Variants in ROBO4 observed in about 807,000 individuals in gnomAD.
ROBO4 encodes roundabout guidance receptor 4.
Under a neutral mutation model 103.3 loss-of-function variants are expected in ROBO4, and 80 were observed. The ratio of observed to expected loss-of-function variants is 0.77; its 90% CI spans 0.65 to 0.93. ROBO4 has a LOEUF of 0.93. Among genes scored for constraint, ROBO4 ranks in the 40% least tolerant of loss-of-function variants. The probability of loss-of-function intolerance (pLI) is 0.00; values close to 1 mark genes in which losing one functional copy is unlikely to be tolerated. For synonymous variants in ROBO4, 504 were observed against 529.7 expected (o/e 0.95, Z 0.67); for missense variants, 1,333 against 1,305.3 (o/e 1.02, Z -0.33).
chr11:124,886,394 A>G (rs1237272624), intron 16 of ROBO4, 70 bp downstream of exon 16: 12 of 1,194,150 alleles, frequency 1.0e-5, no homozygotes, highest in Non-Finnish European at 1.2e-5. Flanking sequence ...TTTAACAATG[A>G]TGACATGATA....
intron 12 of ROBO4, among the ~76,000 whole-genome samples, chr11:124,890,926 C>T (rs1946787360): frequency 6.6e-6 from 1 of 152,220 alleles, no homozygotes; most frequent in African/African-American, 2.4e-5. Context: ...TGCTAGTCAA[C>T]ACTTTCGTTA....
chr11:124,893,777 G>C (rs749152190), intron 9 of ROBO4, 47 bp from the exon 10 acceptor site: 46 of 1,609,704 alleles, frequency 2.9e-5, no homozygotes, highest in Non-Finnish European at 3.6e-5. Flanking sequence ...TGGATCACCT[G>C]GTCAGAGATC....
chr11:124,886,772 C>T lies in ROBO4; in HGVS notation c.2486G>A (p.Gly829Glu), dbSNP rs1249715325. ...PRAPSPPTTYGYISVPTASEF... is the reference protein window; with the variant it reads ...PRAPSPPTTYEYISVPTASEF... ...TGAGGCTGTTGGGACGCTGATGTAC[C>T]CATAGGTGGTGGGGGGTGAAGGAGC... Residue 829 changes from glycine (G) to glutamate (E), a missense_variant, in exon 16 of 18, where the codon GGG (glycine) becomes GAG (glutamate). Coordinates refer to ENST00000306534, the MANE Select transcript of ROBO4 (RefSeq NM_019055.6). 6.4e-7 allele frequency: 1 copy of T among 1,554,260 alleles called. No individual in the cohort carries two copies. The highest frequency in any genetic ancestry group is 1.9e-5 in the Admixed American group (1 of 54,006).
chr11:124,886,438 G>A (rs1430268788), intron 16 of ROBO4, 26 bp downstream of exon 16: 1 of 1,553,772 alleles, frequency 6.4e-7, no homozygotes, highest in Non-Finnish European at 8.9e-7. Flanking sequence ...CATGAGTGAG[G>A]AGTAAGATGG....
intron 16 of ROBO4, 44 bp downstream of exon 16, chr11:124,886,420 G>T: frequency 6.9e-7 from 1 of 1,447,472 alleles, no homozygotes; most frequent in Non-Finnish European, 9.6e-7. Flanking sequence ...TGTTAGAAAG[G>T]CAAGGGGCAT....
At position 124,887,242 on chromosome 11, in the gene ROBO4, G is replaced by A. The variant is rs760340932; in HGVS notation, c.2199-29C>T. The A allele has an allele frequency of 2.8e-5, 44 of 1,586,278 alleles. 2 individuals carry two copies. The highest frequency in any genetic ancestry group is 1.7e-4 in the Middle Eastern group (1 of 5,948). On this transcript the variant is annotated intron_variant, in intron 14 of 17. Coordinates refer to ENST00000306534, the MANE Select transcript of ROBO4 (RefSeq NM_019055.6). ...ATTTGCGGGAGAGAGTGATGGCACCGTAGTTACTACAGCTCTTCAAGTCCT... is the reference window on the plus strand; with the variant it reads ...ATTTGCGGGAGAGAGTGATGGCACCATAGTTACTACAGCTCTTCAAGTCCT...
chr11:124,896,496 G>GAGGGGGCCACACTT lies in ROBO4; in HGVS notation c.558+3_558+16dup, dbSNP rs1946893067. ...GCCCAGGCCAGGATGAAGTGTGGGG[G>GAGGGGGCCACACTT]AGGGGGCCACACTTACTGTGTGCCT... On this transcript the variant is annotated intron_variant, in intron 3 of 17. Transcript: ENST00000306534. 1.2e-6 allele frequency: 2 copies of GAGGGGGCCACACTT among 1,611,780 alleles called. No homozygotes were observed. Among genetic ancestry groups the GAGGGGGCCACACTT allele is most frequent in the Non-Finnish European group, 1.7e-6 (2 of 1,178,698 alleles).
intron 1 of ROBO4, 43 bp from the exon 2 acceptor site, chr11:124,897,304 C>T (rs1326353194): frequency 2.2e-6 from 3 of 1,351,428 alleles, no homozygotes; most frequent in African/African-American, 2.9e-5. Flanking sequence ...TCACCAGCAA[C>T]ACCCCAAATT....
chr11:124,888,244 C>T (rs1450815973), intron 12 of ROBO4, among the ~76,000 whole-genome samples: 1 of 152,260 alleles, frequency 6.6e-6, no homozygotes, highest in African/African-American at 2.4e-5. Flanking sequence ...TTCCTGATCT[C>T]TATACCCTCA....
chr11:124,889,959 G>C (rs147396238), intron 12 of ROBO4, among the ~76,000 whole-genome samples: 33 of 152,292 alleles, frequency 2.2e-4, no homozygotes, highest in African/African-American at 7.0e-4. Context: ...GAGAAACAGG[G>C]AGTGAAGTAA....
At chr11:124,891,916 T>C (rs1169856594) in intron 10 of ROBO4, 114 bp from the exon 11 acceptor site, 1 of 1,197,744 alleles carries the variant, frequency 8.3e-7, no homozygotes, top group South Asian at 1.3e-5. Flanking sequence ...ATGGTGGCTT[T>C]ATCCTTACTA....
Position 124,886,450 on chromosome 11 carries a change from G to A in ROBO4, c.2794+14C>T. On this transcript the variant is annotated intron_variant, in intron 16 of 17. Transcript: ENST00000306534. ...GGGCATGAGTGAGGAGTAAGATGGG[G>A]AGACCTCACATACCTATGAAGACGC... 1 of 1,590,748 alleles carries A rather than the reference G, an allele frequency of 6.3e-7. No individual in the cohort carries two copies. Among genetic ancestry groups the A allele is most frequent in the Non-Finnish European group, 8.6e-7 (1 of 1,160,794 alleles).
Position 124,895,837 on chromosome 11 carries a change from G to T in ROBO4, c.755C>A (p.Pro252Gln), listed in dbSNP as rs141984492. Residue 252 changes from proline (P) to glutamine (Q), a missense_variant, in exon 5 of 18, where the codon CCG (proline) becomes CAG (glutamine). Physicochemically the swap from Pro to Gln is moderately conservative, Grantham distance 76. Coordinates refer to ENST00000306534, the MANE Select transcript of ROBO4 (RefSeq NM_019055.6). The part of the protein sequence containing the change: ...IQLENVTLLN[P>Q]DPAEGPKPRP... The stretch of plus-strand genomic sequence containing the variant: ...AGGCTTGGGGCCCTCTGCAGGATCC[G>T]GGTTCAGCAGTGTCACATTTTCCAG... 6.2e-7 allele frequency: 1 copy of T among 1,614,116 alleles called. No homozygotes were observed. The highest frequency in any genetic ancestry group is 1.1e-5 in the South Asian group (1 of 91,074).
rs774087454 is a variant in ROBO4, at chr11:124,884,107, A to G, written c.*784T>C. The G allele has an allele frequency of 6.6e-6, 1 of 152,126 alleles. No individual in the cohort carries two copies. Among genetic ancestry groups the G allele is most frequent in the Non-Finnish European group, 1.5e-5 (1 of 68,030 alleles). 9.4% of individuals were successfully genotyped at this position (152,126 alleles called of 1,614,324 possible). A position where few individuals can be genotyped will look rare whatever the true frequency, so the allele number is the denominator to read the frequency against. On this transcript the variant is annotated 3_prime_UTR_variant, in exon 18 of 18. Transcript: ENST00000306534. ...TTTAATTGCAGAACAGAAATGTGTG[A>G]CACTCCCTGAGTGTCAATGAATGCC...
chr11:124,886,673 G>A lies in ROBO4; in HGVS notation c.2585C>T (p.Pro862Leu). The A allele has an allele frequency of 6.2e-7, 1 of 1,613,282 alleles. No individual in the cohort carries two copies. Among genetic ancestry groups the A allele is most frequent in the Non-Finnish European group, 8.5e-7 (1 of 1,179,318 alleles). Reference protein sequence around the residue: ...KGGVLLCPPRPCLTPTPSEGS... With the variant: ...KGGVLLCPPRLCLTPTPSEGS... ...CTCGCTGGGGGTGGGGGTGAGGCAGGGCCGAGGTGGGCACAGCAAGACTCC... is the reference window on the plus strand; with the variant it reads ...CTCGCTGGGGGTGGGGGTGAGGCAGAGCCGAGGTGGGCACAGCAAGACTCC... Residue 862 changes from proline to leucine, a missense_variant, in exon 16 of 18, where the codon CCC becomes CTC. Pro to Leu is a moderately conservative substitution (Grantham distance 98, BLOSUM62 -3). Transcript: ENST00000306534.
Position 124,888,583 on chromosome 11 carries a change from G to A in ROBO4, c.1949-743C>T, listed in dbSNP as rs74622109. 4.4e-3 allele frequency among the ~76,000 whole-genome samples: 673 copies of A among 152,346 alleles called. 5 individuals are homozygous for A. Among genetic ancestry groups the A allele is most frequent in the African/African-American group, 0.015 (618 of 41,572 alleles). On this transcript the variant is annotated intron_variant, in intron 12 of 17. Transcript: ENST00000306534. The stretch of plus-strand genomic sequence containing the variant: ...CCCATACTTTTTGTTGAATGAAAGA[G>A]TGAATGCATGGGTGATATCAGAAAT...
Position 124,897,709 on chromosome 11 carries a change from G to A in ROBO4, c.70+17C>T. 1 of 1,612,112 alleles carries A rather than the reference G, an allele frequency of 6.2e-7. No homozygotes were observed. The highest frequency in any genetic ancestry group is 1.1e-5 in the South Asian group (1 of 91,028). ...TTGGATGGAGGAGCATGGGCCAGGA[G>A]AGGGAGAGCAACTCACCCATGATGA... On this transcript the variant is annotated intron_variant, in intron 1 of 17. Transcript: ENST00000306534.
chr11:124,890,816 A>C (rs940052777), intron 12 of ROBO4, among the ~76,000 whole-genome samples: 3 of 152,232 alleles, frequency 2.0e-5, no homozygotes, highest in African/African-American at 7.2e-5. Context: ...GTCGGTGCCC[A>C]AGCACACCTG....
intron 16 of ROBO4, 35 bp downstream of exon 16, chr11:124,886,429 A>G: frequency 6.6e-7 from 1 of 1,511,116 alleles, no homozygotes; most frequent in Non-Finnish European, 9.1e-7. Flanking sequence ...GGCAAGGGGC[A>G]TGAGTGAGGA....
Sources: allele counts gnomAD v4.1 joint callset (sites outside exome capture counted in the v4.1 genomes callset), GRCh38; gene constraint gnomAD v4.1.1; transcripts MANE v1.5; gene names NCBI Gene and HGNC (gene_info 2026-07-23, HGNC 2026-07-21).